Variants in LRBA observed in about 807,000 individuals in gnomAD.
The protein encoded by LRBA is lipopolysaccharide-responsive and beige-like anchor protein.
In LRBA, 176 loss-of-function variants were observed where a neutral mutation model predicts 330.0. The observed-to-expected ratio is 0.53, with a 90% CI of 0.47 to 0.60. LRBA has a LOEUF of 0.60. LRBA is among the 20% of genes least tolerant of loss of function. LRBA has a pLI of 0.00. For synonymous variants in LRBA, 1,230 were observed against 1,193.0 expected (o/e 1.03, Z -0.64); for missense variants, 3,259 against 3,444.8 (o/e 0.95, Z 1.35).
intron 42 of LRBA, 28 bp downstream of exon 42, chr4:150,487,704 T>A (rs770896774): frequency 6.5e-5 from 87 of 1,347,020 alleles, no homozygotes; most frequent in Non-Finnish European, 8.7e-5. Flanking sequence ...CACTTTACTT[T>A]CCCTAAGTTT....
intron 37 of LRBA, among the ~76,000 whole-genome samples, chr4:150,610,877 G>A (rs1048690974): frequency 2.0e-5 from 3 of 152,100 alleles, no homozygotes; most frequent in African/African-American, 7.2e-5. Context: ...ACTGGCTTAT[G>A]ATGCAGTATA....
At chr4:150,523,809 T>C (rs11937036) in intron 40 of LRBA, among the ~76,000 whole-genome samples, 32,520 of 151,954 alleles carry the variant, frequency 0.21, 4,362 homozygotes, top group Non-Finnish European at 0.3. Context: ...GAAGAATCTA[T>C]CTATCTACCC....
Position 150,663,274 on chromosome 4 carries a change from A to G in LRBA, c.5921+20277T>C, listed in dbSNP as rs141590789. 5.1e-3 allele frequency among the ~76,000 whole-genome samples: 618 copies of G among 122,084 alleles called. 5 individuals are homozygous for G. Among genetic ancestry groups the G allele is most frequent in the African/African-American group, 0.018 (597 of 32,754 alleles). The allele number at this position is 122,084 out of a possible 152,430, so 80.1% of individuals were successfully genotyped here. On this transcript the variant is annotated intron_variant, in intron 37 of 56. Coordinates refer to ENST00000651943, the MANE Select transcript of LRBA (RefSeq NM_001364905.1). The stretch of plus-strand genomic sequence containing the variant: ...AGGGTGTAGATCTTGAATTTCCAGA[A>G]AAAACTTTGAAGTCACTGTATATAT...
In LRBA at chr4:150,701,579, G is replaced by A. The variant is rs570920972; in HGVS notation, c.5755-17862C>T. On this transcript the variant is annotated intron_variant, in intron 36 of 56. Coordinates refer to ENST00000651943, the MANE Select transcript of LRBA (RefSeq NM_001364905.1). ...TCATAGGACCACCACTGTACATGTG[G>A]TGCGTCATTTACCAAAACATCATTA... Among the ~76,000 whole-genome samples the A allele has an allele frequency of 3.9e-5, 6 of 152,278 alleles. No homozygotes were observed. The South Asian group carries it at 1.2e-3, about 32-fold the overall frequency.
At chr4:150,978,243 G>A (rs569723543) in intron 2 of LRBA, among the ~76,000 whole-genome samples, 28 of 152,370 alleles carry the variant, frequency 1.8e-4, no homozygotes, top group African/African-American at 6.5e-4. Flanking sequence ...AAGAAAACAA[G>A]AGTCTCCACC....
intron 2 of LRBA, among the ~76,000 whole-genome samples, chr4:150,936,856 G>A (rs1364494588): frequency 6.6e-6 from 1 of 151,990 alleles, no homozygotes; most frequent in East Asian, 1.9e-4. Context: ...TGTCTGGAGA[G>A]AGTTTTAATA....
chr4:150,909,376 T>C (rs1038750136), intron 9 of LRBA, among the ~76,000 whole-genome samples: 3 of 152,202 alleles, frequency 2.0e-5, no homozygotes, highest in Non-Finnish European at 4.4e-5. Context: ...TCATACAGTA[T>C]TTGTCTTTTT....
intron 56 of LRBA, among the ~76,000 whole-genome samples, chr4:150,266,483 T>C (rs558439412): frequency 8.6e-5 from 13 of 152,012 alleles, no homozygotes; most frequent in Admixed American, 7.9e-4. Flanking sequence ...ATGGAGAACA[T>C]AGGTGAACCT....
chr4:150,743,829 G>A (rs1732334521), intron 35 of LRBA, among the ~76,000 whole-genome samples: 1 of 152,144 alleles, frequency 6.6e-6, no homozygotes, highest in South Asian at 2.1e-4. Flanking sequence ...TCTGTTCTTT[G>A]AAGCTTTACA....
intron 35 of LRBA, among the ~76,000 whole-genome samples, chr4:150,735,573 C>T (rs1731078177): frequency 6.6e-6 from 1 of 152,168 alleles, no homozygotes. Flanking sequence ...TAGCTTCTAT[C>T]AGACTAGCCA....
intron 34 of LRBA, among the ~76,000 whole-genome samples, chr4:150,789,204 C>T (rs1391400306): frequency 6.6e-6 from 1 of 152,150 alleles, no homozygotes; most frequent in Non-Finnish European, 1.5e-5. Context: ...CAAGAGCCAC[C>T]TGTACATAGT....
At chr4:150,590,092 G>T in intron 39 of LRBA, among the ~76,000 whole-genome samples, 1 of 152,116 alleles carries the variant, frequency 6.6e-6, no homozygotes, top group East Asian at 1.9e-4. Context: ...TCTTCCTTGA[G>T]GGACAGAGCC....
intron 40 of LRBA, among the ~76,000 whole-genome samples, chr4:150,513,494 A>AT (rs1762039551): frequency 6.6e-6 from 1 of 152,178 alleles, no homozygotes. Flanking sequence ...CTGGGTCCTC[A>AT]TTGGGAACAC....
In LRBA at chr4:150,852,570, T is replaced by C. The variant is rs1750739844; in HGVS notation, c.3140A>G (p.Asp1047Gly). 4.3e-6 allele frequency: 7 copies of C among 1,613,838 alleles called. No individual in the cohort carries two copies. Among genetic ancestry groups the C allele is most frequent in the Non-Finnish European group, 5.9e-6 (7 of 1,179,992 alleles). The change falls in exon 23 of 57, where the codon GAT becomes GGT. Residue 1047 changes from aspartate to glycine, a missense_variant. Coordinates refer to ENST00000651943, the MANE Select transcript of LRBA (RefSeq NM_001364905.1). Reference sequence around the variant, plus strand: ...TATTATGTCAGAAGATACTTCTAAATCATCTGCATTCCTTGTCTCATTTGT... The same window carrying C: ...TATTATGTCAGAAGATACTTCTAAACCATCTGCATTCCTTGTCTCATTTGT... ...TLTNETRNAD[D>G]LEVSSDIIEA... is the part of the protein sequence containing the mutation.
chr4:150,808,262 A>G, intron 32 of LRBA, 58 bp downstream of exon 32: 1 of 1,075,916 alleles, frequency 9.3e-7, no homozygotes, highest in Admixed American at 1.9e-5. Flanking sequence ...AAACCTAGAT[A>G]GCTTAAAAAG....
At chr4:151,002,901 C>T (rs770545055) in intron 2 of LRBA, among the ~76,000 whole-genome samples, 61 of 152,038 alleles carry the variant, frequency 4.0e-4, no homozygotes, top group Admixed American at 1.0e-3. Context: ...GTGGTCCCAG[C>T]TACTCAGGAG....
chr4:150,621,368 G>GT (rs1776274070), intron 37 of LRBA, among the ~76,000 whole-genome samples: 1 of 151,968 alleles, frequency 6.6e-6, no homozygotes, highest in African/African-American at 2.4e-5. Context: ...TTTGTATATT[G>GT]TAAGTTGTGC....
intron 34 of LRBA, among the ~76,000 whole-genome samples, chr4:150,776,561 C>T (rs1737358815): frequency 6.6e-6 from 1 of 152,136 alleles, no homozygotes; most frequent in South Asian, 2.1e-4. Flanking sequence ...CGCATGTAAT[C>T]TCAGCACTTT....
intron 40 of LRBA, among the ~76,000 whole-genome samples, chr4:150,527,787 A>T (rs1003518609): frequency 6.6e-6 from 1 of 152,190 alleles, no homozygotes; most frequent in African/African-American, 2.4e-5. Flanking sequence ...ACAATGAAAG[A>T]ATTTGTACAA....
Sources: gnomAD v4.1 joint callset for allele counts (sites outside exome capture counted in the v4.1 genomes callset) on GRCh38, gnomAD v4.1.1 for gene constraint, MANE v1.5 for transcripts, NCBI Gene and HGNC (gene_info 2026-07-23, HGNC 2026-07-21) for gene names.